Variants in CLOCK observed in about 807,000 individuals in gnomAD.
CLOCK encodes clock circadian regulator.
CLOCK carries 43 observed loss-of-function variants against 118.4 expected under a neutral mutation model. The ratio of observed to expected loss-of-function variants is 0.36; its 90% CI spans 0.28 to 0.47. CLOCK has a LOEUF of 0.47. CLOCK is among the 20% of genes least tolerant of loss of function. CLOCK has a pLI of 1.00. For missense variants in CLOCK, 846 were observed against 999.9 expected (o/e 0.85, Z 2.08); for synonymous variants, 326 against 339.2 (o/e 0.96, Z 0.43).
intron 21 of CLOCK, among the ~76,000 whole-genome samples, chr4:55,441,865 A>G (rs1218841367): frequency 1.3e-5 from 2 of 152,164 alleles, no homozygotes; most frequent in African/African-American, 4.8e-5. Flanking sequence ...ATGCTTAAGC[A>G]CTCAAGCACT....
chr4:55,525,873 CAAAAAAAA>C (rs10535837), intron 1 of CLOCK, among the ~76,000 whole-genome samples: 2 of 142,756 alleles, frequency 1.4e-5, no homozygotes, highest in East Asian at 4.0e-4. Flanking sequence ...TAGAACTGCT[CAAAAAAAA>C]AAAAAAAAAT....
At chr4:55,543,443 T>A (rs1165083581) in intron 1 of CLOCK, among the ~76,000 whole-genome samples, 3 of 152,130 alleles carry the variant, frequency 2.0e-5, no homozygotes, top group Admixed American at 6.5e-5. Context: ...GAAAAGAACA[T>A]ATTTGCAAAT....
At position 55,428,093 on chromosome 4, in the gene CLOCK, T is replaced by G. The variant is rs1437853427; in HGVS notation, c.*7322A>C. On this transcript the variant is annotated 3_prime_UTR_variant, in exon 23 of 23. Coordinates refer to ENST00000513440, the MANE Select transcript of CLOCK (RefSeq NM_004898.4). ...AGTCTGGATCTAATTATTTTTACATTTACAAAAACTGCTACTGCTTGGCTC... is the reference window on the plus strand; with the variant it reads ...AGTCTGGATCTAATTATTTTTACATGTACAAAAACTGCTACTGCTTGGCTC... 1 of 152,186 alleles carries G rather than the reference T, an allele frequency of 6.6e-6. No homozygotes were observed. Among genetic ancestry groups the G allele is most frequent in the Non-Finnish European group, 1.5e-5 (1 of 68,034 alleles). The allele number at this position is 152,186 out of a possible 1,614,324, so 9.4% of individuals were successfully genotyped here.
chr4:55,473,665 T>C (rs1213847859), intron 7 of CLOCK, among the ~76,000 whole-genome samples: 1 of 152,214 alleles, frequency 6.6e-6, no homozygotes, highest in Non-Finnish European at 1.5e-5. Flanking sequence ...GTTTTGCTTT[T>C]TGTTTTTTCA....
intron 2 of CLOCK, among the ~76,000 whole-genome samples, chr4:55,501,920 C>CT (rs1216235934): frequency 6.6e-6 from 1 of 152,172 alleles, no homozygotes; most frequent in African/African-American, 2.4e-5. Context: ...ATCATTCCAT[C>CT]TGTAAACAGT....
chr4:55,505,207 CATA>C (rs1728723936), intron 2 of CLOCK, among the ~76,000 whole-genome samples: 1 of 147,374 alleles, frequency 6.8e-6, no homozygotes, highest in Middle Eastern at 3.3e-3. Flanking sequence ...CTTGTGATCA[CATA>C]ATGATACGCC....
intron 2 of CLOCK, among the ~76,000 whole-genome samples, chr4:55,494,657 C>A (rs917211985): frequency 2.6e-5 from 4 of 152,072 alleles, no homozygotes; most frequent in Non-Finnish European, 5.9e-5. Context: ...TCAGAAATCA[C>A]CACTAAAGAA....
intron 2 of CLOCK, among the ~76,000 whole-genome samples, chr4:55,504,039 C>T (rs563514232): frequency 1.8e-4 from 24 of 136,898 alleles, no homozygotes; most frequent in African/African-American, 6.4e-4. Context: ...AATCCCAGCA[C>T]TTTGGGAGGC....
chr4:55,544,014 A>G (rs751954723), intron 1 of CLOCK, among the ~76,000 whole-genome samples: 4 of 152,174 alleles, frequency 2.6e-5, no homozygotes, highest in Non-Finnish European at 5.9e-5. Flanking sequence ...TCATTACACA[A>G]TATTAGTCAC....
intron 8 of CLOCK, among the ~76,000 whole-genome samples, chr4:55,467,172 C>T (rs1022036385): frequency 6.6e-6 from 1 of 152,068 alleles, no homozygotes; most frequent in African/African-American, 2.4e-5. Context: ...AAGTGTTAAT[C>T]AAACACTTCA....
intron 2 of CLOCK, among the ~76,000 whole-genome samples, chr4:55,494,571 G>A (rs1411398230): frequency 2.6e-5 from 4 of 152,100 alleles, no homozygotes; most frequent in Non-Finnish European, 5.9e-5. Context: ...GGGGAGAAGG[G>A]AAGGATAGGA....
At chr4:55,484,256 T>C (rs186556584) in intron 3 of CLOCK, among the ~76,000 whole-genome samples, 143 of 152,182 alleles carry the variant, frequency 9.4e-4, no homozygotes, top group Non-Finnish European at 1.6e-3. Flanking sequence ...TGTGGCATGA[T>C]CATAGCTCAC....
chr4:55,502,244 T>C (rs1053539887), intron 2 of CLOCK, among the ~76,000 whole-genome samples: 3 of 152,196 alleles, frequency 2.0e-5, no homozygotes, highest in Admixed American at 2.0e-4. Context: ...AGAATTTTTA[T>C]TGAAATTCAA....
intron 13 of CLOCK, 42 bp from the exon 14 acceptor site, chr4:55,453,866 T>C (rs1346384848): frequency 7.1e-7 from 1 of 1,405,588 alleles, no homozygotes; most frequent in South Asian, 1.3e-5. Context: ...TAATTCATAT[T>C]ATATAAAGAT....
rs144111229 is a variant in CLOCK, at chr4:55,490,505, T to C, written c.-135-1040A>G. Among the ~76,000 whole-genome samples the C allele has an allele frequency of 3.3e-5, 5 of 152,238 alleles. No individual in the cohort carries two copies. In the East Asian group the frequency reaches 9.6e-4, roughly 29 times the overall value. On this transcript the variant is annotated intron_variant, in intron 2 of 22. Coordinates refer to ENST00000513440, the MANE Select transcript of CLOCK (RefSeq NM_004898.4). ...AGCATAGATTTAAACAGTGTATCAG[T>C]ACAGTCATCCTTTGTTATCTGACAT...
At chr4:55,456,172 T>A (rs779229408) in intron 12 of CLOCK, 46 bp downstream of exon 12, 1 of 1,427,442 alleles carries the variant, frequency 7.0e-7, no homozygotes, top group Non-Finnish European at 9.8e-7. Flanking sequence ...TCAAGAATTA[T>A]ATAACATGAC....
At chr4:55,461,873 A>G (rs1338973498) in intron 9 of CLOCK, among the ~76,000 whole-genome samples, 1 of 152,216 alleles carries the variant, frequency 6.6e-6, no homozygotes, top group African/African-American at 2.4e-5. Context: ...TCTGTAAAAA[A>G]TAAAACTCAA....
At chr4:55,485,879 G>A (rs1036678754) in intron 3 of CLOCK, among the ~76,000 whole-genome samples, 11 of 151,744 alleles carry the variant, frequency 7.2e-5, no homozygotes, top group African/African-American at 2.7e-4. Context: ...TATATACTAG[G>A]TACCCACACA....
At chr4:55,475,408 A>G (rs1726439221) in intron 7 of CLOCK, among the ~76,000 whole-genome samples, 1 of 152,222 alleles carries the variant, frequency 6.6e-6, no homozygotes, top group Non-Finnish European at 1.5e-5. Flanking sequence ...ACAGCAAAGG[A>G]TACAGAATAT....
Sources: allele counts gnomAD v4.1 joint callset (sites outside exome capture counted in the v4.1 genomes callset), GRCh38; gene constraint gnomAD v4.1.1; transcripts MANE v1.5; gene names NCBI Gene and HGNC (gene_info 2026-07-23, HGNC 2026-07-21).